Variants in DYM observed in about 807,000 individuals in gnomAD.
The protein encoded by DYM is dymeclin.
Under a neutral mutation model 93.1 loss-of-function variants are expected in DYM, and 78 were observed. That is an observed-to-expected ratio of 0.84 (90% CI 0.70 to 1.01). DYM has a LOEUF of 1.01. Among genes scored for constraint, DYM ranks in the 50% least tolerant of loss-of-function variants. DYM has a pLI of 0.00. For missense variants in DYM, 789 were observed against 845.0 expected (o/e 0.93, Z 0.82); for synonymous variants, 321 against 319.7 (o/e 1.00, Z -0.04).
At chr18:49,288,361 C>G (rs1313810268) in intron 8 of DYM, among the ~76,000 whole-genome samples, 2 of 152,054 alleles carry the variant, frequency 1.3e-5, no homozygotes, top group East Asian at 1.9e-4. Context: ...ATAAAATATT[C>G]AGGAATAAAC....
chr18:49,441,238 TATACATA>T (rs2081523353), intron 1 of DYM, among the ~76,000 whole-genome samples: 1 of 47,704 alleles, frequency 2.1e-5, no homozygotes. Flanking sequence ...TTATATATAA[TATACATA>T]ATATTGTTAT....
At chr18:49,317,932 A>G (rs887170343) in intron 8 of DYM, among the ~76,000 whole-genome samples, 1 of 152,022 alleles carries the variant, frequency 6.6e-6, no homozygotes, top group African/African-American at 2.4e-5. Context: ...CACATTCTTC[A>G]TATTCTAGAG....
At chr18:49,217,816 A>T (rs2093149977) in intron 13 of DYM, among the ~76,000 whole-genome samples, 1 of 152,220 alleles carries the variant, frequency 6.6e-6, no homozygotes, top group Non-Finnish European at 1.5e-5. Flanking sequence ...AATTGTAAAG[A>T]CCGTCGAGGC....
chr18:49,133,988 C>G (rs915820679), intron 15 of DYM, among the ~76,000 whole-genome samples: 43 of 152,114 alleles, frequency 2.8e-4, no homozygotes, highest in Non-Finnish European at 5.9e-4. Flanking sequence ...CTGGACAAAG[C>G]AATACCATGA....
intron 16 of DYM, among the ~76,000 whole-genome samples, chr18:49,100,884 C>T (rs970475964): frequency 4.6e-5 from 7 of 152,132 alleles, no homozygotes; most frequent in African/African-American, 7.2e-5. Context: ...ATCATGTCTC[C>T]GGCAATTCCT....
At chr18:49,079,409 ATTTTT>A (rs2077593939) in intron 17 of DYM, among the ~76,000 whole-genome samples, 1 of 147,234 alleles carries the variant, frequency 6.8e-6, no homozygotes, top group African/African-American at 2.5e-5. Context: ...TTTTTTTTTT[ATTTTT>A]ATTTTTTTTA....
intron 17 of DYM, among the ~76,000 whole-genome samples, chr18:49,047,694 T>G (rs915749595): frequency 1.3e-5 from 2 of 152,108 alleles, no homozygotes; most frequent in Non-Finnish European, 2.9e-5. Flanking sequence ...AGCCTCCTCA[T>G]ACACTGTGTT....
chr18:49,246,701 G>A (rs1470962194), intron 13 of DYM, among the ~76,000 whole-genome samples: 3 of 152,164 alleles, frequency 2.0e-5, no homozygotes, highest in Non-Finnish European at 4.4e-5. Flanking sequence ...TTGTAAATAA[G>A]GCTTTAGAGG....
chr18:49,152,478 G>A (rs1208477601), intron 15 of DYM, among the ~76,000 whole-genome samples: 2 of 152,122 alleles, frequency 1.3e-5, no homozygotes, highest in African/African-American at 4.8e-5. Context: ...AAAAGTGGTA[G>A]GGTCAGGGGG....
At chr18:49,402,655 G>A (rs934148060) in intron 2 of DYM, among the ~76,000 whole-genome samples, 11 of 152,062 alleles carry the variant, frequency 7.2e-5, no homozygotes, top group Non-Finnish European at 1.2e-4. Flanking sequence ...TAAAATACTA[G>A]GAAGGATTTC....
At chr18:49,186,457 ATTGCCTATAT>A (rs1346987166) in intron 14 of DYM, among the ~76,000 whole-genome samples, 4 of 152,002 alleles carry the variant, frequency 2.6e-5, no homozygotes, top group Non-Finnish European at 4.4e-5. Context: ...CTCGCCCACT[ATTGCCTATAT>A]CTTCTTTTAT....
intron 2 of DYM, among the ~76,000 whole-genome samples, chr18:49,414,328 G>A (rs1451747875): frequency 6.6e-6 from 1 of 151,982 alleles, no homozygotes; most frequent in Non-Finnish European, 1.5e-5. Context: ...AAGAGGACCA[G>A]ACGAAAAAAC....
In DYM at chr18:49,286,707, G is replaced by C. The variant is rs536877380; in HGVS notation, c.764-91C>G. The C allele has an allele frequency of 4.2e-4, 513 of 1,226,362 alleles. 1 individual carries two copies. The highest frequency in any genetic ancestry group is 4.9e-4 in the Non-Finnish European group (414 of 852,158). 76.0% of individuals were successfully genotyped at this position (1,226,362 alleles called of 1,614,324 possible). ...ATTCTGTGTAATATAATACAATATG[G>C]TAATGAGCAGTTCCAAAGTGTAGAA... On this transcript the variant is annotated intron_variant, in intron 8 of 17. Transcript: ENST00000675505.
rs867765803 is a variant in DYM at position 49,379,678 on chromosome 18, C to T, written c.274G>A (p.Ala92Thr). The change falls in exon 4 of 18, where the codon GCA (alanine) becomes ACA (threonine). Residue 92 changes from alanine to threonine, a missense_variant. Physicochemically the swap from Ala to Thr is moderately conservative, Grantham distance 58. This residue lies in a region of DYM where 450 missense variants were observed against 436.2 expected (regional missense o/e 1.03). Coordinates refer to ENST00000675505, the MANE Select transcript of DYM (RefSeq NM_001353214.3). Reference protein sequence around the residue: ...LSRTKELKLSAECQNHIFIWQ... With the variant: ...LSRTKELKLSTECQNHIFIWQ... ...TAGCCAGCTTACTTCTGACATTCTG[C>T]TGAAAGTTTTAGTTCTTTGGTTCTA... The T allele has an allele frequency of 1.9e-6, 3 of 1,611,836 alleles. No individual in the cohort carries two copies. In the South Asian group the frequency reaches 3.3e-5, roughly 18 times the overall value.
In DYM at chr18:49,289,723, A is replaced by ATGTG. The variant is rs374087638; in HGVS notation, c.764-3111_764-3108dup. 1.4e-3 allele frequency among the ~76,000 whole-genome samples: 51 copies of ATGTG among 36,760 alleles called. 1 individual carries two copies. The highest frequency in any genetic ancestry group is 6.4e-3 in the South Asian group (7 of 1,098). 24.1% of individuals were successfully genotyped at this position (36,760 alleles called of 152,430 possible). ...AAGCCCCTATCTCAAATATATATATATGTGTATATATATATATATATATAT... is the reference window on the plus strand; with the variant it reads ...AAGCCCCTATCTCAAATATATATATATGTGTGTGTATATATATATATATATATAT... On this transcript the variant is annotated intron_variant, in intron 8 of 17. Transcript: ENST00000675505.
At chr18:49,212,112 A>C (rs549294922) in intron 13 of DYM, among the ~76,000 whole-genome samples, 7 of 152,300 alleles carry the variant, frequency 4.6e-5, no homozygotes, top group African/African-American at 1.7e-4. Context: ...TTCTACAAAT[A>C]AACAAAAAAC....
chr18:49,396,504 C>T (rs368812129), intron 2 of DYM, among the ~76,000 whole-genome samples: 4 of 152,094 alleles, frequency 2.6e-5, no homozygotes, highest in South Asian at 2.1e-4. Flanking sequence ...CTAAGCATCA[C>T]GTCAGTGCTC....
intron 8 of DYM, among the ~76,000 whole-genome samples, chr18:49,306,281 G>T (rs1204590554): frequency 6.6e-6 from 1 of 152,108 alleles, no homozygotes; most frequent in African/African-American, 2.4e-5. Context: ...GAAGTAGAGA[G>T]TTAATTATTT....
chr18:49,440,454 A>G (rs1188488686), intron 1 of DYM, among the ~76,000 whole-genome samples: 1 of 97,396 alleles, frequency 1.0e-5, no homozygotes, highest in Non-Finnish European at 2.0e-5. Context: ...TATATATTAT[A>G]TATTTATATA....
Sources: allele counts gnomAD v4.1 joint callset (sites outside exome capture counted in the v4.1 genomes callset), GRCh38; gene constraint gnomAD v4.1.1; regional missense constraint gnomAD v4.1.1; transcripts MANE v1.5; gene names NCBI Gene and HGNC (gene_info 2026-07-23, HGNC 2026-07-21).